The following SCAPER variants were observed in gnomAD, a reference collection of about 807,000 sequenced individuals.
SCAPER encodes S phase cyclin A-associated protein in the endoplasmic reticulum.
SCAPER carries 98 observed loss-of-function variants against 182.2 expected under a neutral mutation model. The ratio of observed to expected loss-of-function variants is 0.54; its 90% confidence interval spans 0.46 to 0.64. The LOEUF is 0.64. SCAPER is among the 30% of genes least tolerant of loss of function. The probability of loss-of-function intolerance (pLI) is 0.00; values close to 1 mark genes in which losing one functional copy is unlikely to be tolerated. For synonymous variants in SCAPER, 605 were observed against 564.6 expected (o/e 1.07, Z -1.01); for missense variants, 1,432 against 1,690.0 (o/e 0.85, Z 2.68).
Position 76,599,013 on chromosome 15 carries a change from T to G in SCAPER, c.2711+22751A>C, listed in dbSNP as rs532267367. Among the ~76,000 whole-genome samples the G allele has an allele frequency of 2.1e-4, 25 of 119,762 alleles. 8 individuals carry two copies. The highest frequency in any genetic ancestry group is 4.4e-4 in the Non-Finnish European group (22 of 49,594). 78.6% of individuals were successfully genotyped at this position (119,762 alleles called of 152,430 possible). ...AATATGTATTAAGCATAAGGTTACC[T>G]GCTAGATTTTAAAAAAATAATAAAA... is the stretch of plus-strand genomic sequence containing the variant. On this transcript the variant is annotated intron_variant, in intron 22 of 31. Transcript: ENST00000563290.
At position 76,600,425 on chromosome 15, in the gene SCAPER, GTGTGTA is replaced by G. The variant is rs1391120489; in HGVS notation, c.2711+21333_2711+21338del. On this transcript the variant is annotated intron_variant, in intron 22 of 31. Transcript: ENST00000563290. ...TGTGTGTGTGTGTGTGTGTGTGTGTGTGTGTATACATATACATATATATATATATTT... is the reference window on the plus strand; with the variant it reads ...TGTGTGTGTGTGTGTGTGTGTGTGTGTACATATACATATATATATATATTT... Among the ~76,000 whole-genome samples, 8 of 45,802 alleles carry G rather than the reference GTGTGTA, an allele frequency of 1.7e-4. 3 individuals carry two copies. Among genetic ancestry groups the G allele is most frequent in the Non-Finnish European group, 4.1e-4 (7 of 17,116 alleles). The allele number at this position is 45,802 out of a possible 152,430, so 30.0% of individuals were successfully genotyped here. A position where few individuals can be genotyped will look rare whatever the true frequency, so the allele number is the denominator to read the frequency against.
At chr15:76,813,246 AAAAAAAAAAC>A (rs1555617057) in intron 5 of SCAPER, among the ~76,000 whole-genome samples, 1 of 61,218 alleles carries the variant, frequency 1.6e-5, no homozygotes, top group Non-Finnish European at 5.8e-5. Flanking sequence ...AAAAAAAAAA[AAAAAAAAAAC>A]AACTCAACAA....
At chr15:76,516,504 G>A (rs2042435419) in intron 23 of SCAPER, among the ~76,000 whole-genome samples, 1 of 151,966 alleles carries the variant, frequency 6.6e-6, no homozygotes, top group South Asian at 2.1e-4. Context: ...GAGAATGATG[G>A]TTTCCAGCTT....
At chr15:76,567,594 T>C (rs550831970) in intron 23 of SCAPER, among the ~76,000 whole-genome samples, 76 of 152,312 alleles carry the variant, frequency 5.0e-4, no homozygotes, top group South Asian at 2.1e-3. Flanking sequence ...CATTATCACA[T>C]TGAATTTTTA....
chr15:76,903,715 G>C (rs369415637), intron 1 of SCAPER, among the ~76,000 whole-genome samples: 57 of 152,310 alleles, frequency 3.7e-4, no homozygotes, highest in African/African-American at 1.3e-3. Context: ...AAGACACATA[G>C]AGTATATTTT....
chr15:76,705,205 G>T (rs1331222140), intron 18 of SCAPER, among the ~76,000 whole-genome samples: 1 of 148,782 alleles, frequency 6.7e-6, no homozygotes, highest in African/African-American at 2.5e-5. Flanking sequence ...ACCATGGAAT[G>T]CTATGCAGCC....
chr15:76,693,027 G>C (rs2058462207), intron 20 of SCAPER, among the ~76,000 whole-genome samples: 1 of 152,080 alleles, frequency 6.6e-6, no homozygotes, highest in Admixed American at 6.5e-5. Context: ...AAATTTCCCA[G>C]TATGATAGAT....
chr15:76,452,686 A>C (rs1379614737), intron 25 of SCAPER, among the ~76,000 whole-genome samples: 1 of 152,208 alleles, frequency 6.6e-6, no homozygotes, highest in Non-Finnish European at 1.5e-5. Context: ...TGTTTCAGCT[A>C]TTGAGGTCAA....
chr15:76,420,834 T>C lies in SCAPER; in HGVS notation c.3311+13244A>G, dbSNP rs147351042. ...CCCTTCCTGTGTCCAAGTGTTCTCA[T>C]TGTTCAATTCCCACCTATGAGTGAG... On this transcript the variant is annotated intron_variant, in intron 26 of 31. Transcript: ENST00000563290. 8.4e-3 allele frequency among the ~76,000 whole-genome samples: 1,277 copies of C among 152,284 alleles called. 13 individuals carry two copies. Among genetic ancestry groups the C allele is most frequent in the African/African-American group, 0.029 (1,211 of 41,556 alleles).
At chr15:76,520,428 G>T (rs963373716) in intron 23 of SCAPER, among the ~76,000 whole-genome samples, 4 of 152,068 alleles carry the variant, frequency 2.6e-5, no homozygotes, top group African/African-American at 9.7e-5. Context: ...ATATTGCTCA[G>T]GCTGGGCTTG....
chr15:76,784,415 G>A (rs1352990950), intron 8 of SCAPER, among the ~76,000 whole-genome samples: 2 of 152,192 alleles, frequency 1.3e-5, no homozygotes, highest in African/African-American at 4.8e-5. Context: ...AATATTCCAT[G>A]CTCATGGACA....
chr15:76,726,976 A>T (rs1266273244), intron 17 of SCAPER, among the ~76,000 whole-genome samples: 1 of 152,060 alleles, frequency 6.6e-6, no homozygotes, highest in East Asian at 1.9e-4. Context: ...CTGTAAACTT[A>T]AAAATGATTA....
intron 31 of SCAPER, 71 bp downstream of exon 31, chr15:76,351,166 C>T: frequency 1.5e-6 from 2 of 1,348,774 alleles, no homozygotes; most frequent in Non-Finnish European, 2.0e-6. Context: ...GTAGCAGTTC[C>T]AGAGGAAAGG....
chr15:76,798,507 A>C (rs1473383190), intron 7 of SCAPER, among the ~76,000 whole-genome samples: 1 of 152,152 alleles, frequency 6.6e-6, no homozygotes, highest in Non-Finnish European at 1.5e-5. Context: ...TTAAAGGAAT[A>C]ATGGGCAAAA....
chr15:76,477,748 G>C (rs1409767195), intron 24 of SCAPER, among the ~76,000 whole-genome samples: 1 of 152,068 alleles, frequency 6.6e-6, no homozygotes, highest in African/African-American at 2.4e-5. Context: ...AGTATGATTA[G>C]AGATTTTTTC....
chr15:76,548,233 G>T (rs914847368), intron 23 of SCAPER, among the ~76,000 whole-genome samples: 7 of 152,084 alleles, frequency 4.6e-5, no homozygotes, highest in East Asian at 1.9e-4. Flanking sequence ...TATAAAAACT[G>T]TTTGTGGAGT....
chr15:76,542,263 C>T (rs1029059229), intron 23 of SCAPER, among the ~76,000 whole-genome samples: 3 of 152,098 alleles, frequency 2.0e-5, no homozygotes, highest in Non-Finnish European at 2.9e-5. Flanking sequence ...TGGCTCACAC[C>T]TGTAATCTCA....
intron 22 of SCAPER, among the ~76,000 whole-genome samples, chr15:76,613,441 G>A (rs1389879026): frequency 2.6e-5 from 4 of 152,118 alleles, no homozygotes; most frequent in African/African-American, 9.7e-5. Flanking sequence ...TTAAACTAAA[G>A]GGCTTCTGAA....
chr15:76,570,817 G>C (rs904908486), intron 23 of SCAPER, among the ~76,000 whole-genome samples: 1 of 151,960 alleles, frequency 6.6e-6, no homozygotes, highest in Non-Finnish European at 1.5e-5. Context: ...GATTCCTAAA[G>C]ACACTGCAAA....
Sources: allele counts gnomAD v4.1 joint callset (sites outside exome capture counted in the v4.1 genomes callset), GRCh38; gene constraint gnomAD v4.1.1; transcripts MANE v1.5; gene names NCBI Gene and HGNC (gene_info 2026-07-23, HGNC 2026-07-21).